Variants in CEBPZ observed in about 807,000 individuals in gnomAD.
The protein encoded by CEBPZ is CCAAT/enhancer-binding protein zeta.
In CEBPZ, 78 loss-of-function variants were observed where a neutral mutation model predicts 104.5. That is an observed-to-expected ratio of 0.75 (90% CI 0.62 to 0.90). The LOEUF (loss-of-function observed/expected upper bound fraction) is 0.90, where lower values mean the gene tolerates loss of function less well. CEBPZ is among the 40% of genes least tolerant of loss of function. CEBPZ has a pLI of 0.00. For synonymous variants in CEBPZ, 470 were observed against 427.0 expected (o/e 1.10, Z -1.24); for missense variants, 1,439 against 1,233.5 (o/e 1.17, Z -2.50).
intron 1 of CEBPZ, 98 bp downstream of exon 1, chr2:37,231,314 C>T (rs938665818): frequency 6.4e-6 from 10 of 1,563,770 alleles, no homozygotes; most frequent in Non-Finnish European, 8.8e-6. Context: ...TCCTGGACGC[C>T]CGCGCTCTAC....
intron 3 of CEBPZ, among the ~76,000 whole-genome samples, chr2:37,222,778 A>G (rs1664802456): frequency 6.6e-6 from 1 of 152,232 alleles, no homozygotes; most frequent in Non-Finnish European, 1.5e-5. Flanking sequence ...TTGAGCTAAG[A>G]ACCCCTGAGC....
At chr2:37,217,901 C>CA (rs58344885) in intron 5 of CEBPZ, among the ~76,000 whole-genome samples, 84,342 of 138,936 alleles carry the variant, frequency 0.61, 25,430 homozygotes, top group East Asian at 0.97. Context: ...GACTCTGTCT[C>CA]AAAAAAAAAA....
At position 37,231,550 on chromosome 2, in the gene CEBPZ, C is replaced by G. The variant is rs994316893; in HGVS notation, c.18G>C (p.Glu6Asp). The change falls in exon 1 of 16, where the codon GAG becomes GAC. Residue 6 changes from glutamate to aspartate, a missense_variant. Transcript: ENST00000234170. ...GCCGCTTGGCATGGAACTCCAAAGG[C>G]TCCTTGACTGCGGCCATGGCGGGCA... MAAVKEPLEFHAKRPW... is the reference protein window; with the variant it reads MAAVKDPLEFHAKRPW... 6 of 1,614,148 alleles carry G rather than the reference C, an allele frequency of 3.7e-6. No individual in the cohort carries two copies. Among genetic ancestry groups the G allele is most frequent in the Middle Eastern group, 1.6e-4 (1 of 6,084 alleles).
intron 2 of CEBPZ, among the ~76,000 whole-genome samples, chr2:37,226,966 C>T (rs138647509): frequency 6.6e-6 from 1 of 152,212 alleles, no homozygotes; most frequent in African/African-American, 2.4e-5. Context: ...ACTTAACATA[C>T]TTTGTTTACC....
At chr2:37,215,970 G>T in intron 8 of CEBPZ, 170 bp downstream of exon 8, 2 of 422,944 alleles carry the variant, frequency 4.7e-6, no homozygotes, top group South Asian at 6.6e-5. Flanking sequence ...AAAAAAAAAG[G>T]CCCAGTCAGA....
In CEBPZ at chr2:37,216,205, T is replaced by A. The variant is rs1481989660; in HGVS notation, c.2315A>T (p.Asn772Ile). 18 of 1,612,366 alleles carry A rather than the reference T, an allele frequency of 1.1e-5. No homozygotes were observed. The highest frequency in any genetic ancestry group is 1.4e-5 in the Non-Finnish European group (17 of 1,179,170). Residue 772 changes from asparagine (N) to isoleucine (I), a missense_variant, in exon 8 of 16, where the codon AAC becomes ATC. Transcript: ENST00000234170. Reference protein sequence around the residue: ...RNPKPHKGKENTDSVVMQPKR... With the variant: ...RNPKPHKGKEITDSVVMQPKR... ...CGGCTGCATCACAACACTATCTGTG[T>A]TTTCTGAAATGTAAAATTATGACAG... is the stretch of plus-strand genomic sequence containing the variant.
intron 4 of CEBPZ, among the ~76,000 whole-genome samples, chr2:37,221,429 A>C (rs1472198798): frequency 1.3e-5 from 2 of 152,234 alleles, no homozygotes; most frequent in Non-Finnish European, 2.9e-5. Flanking sequence ...GATGGAAATA[A>C]TCTGAAGATG....
At position 37,202,605 on chromosome 2, in the gene CEBPZ, A is replaced by G. The variant is rs1023027630; in HGVS notation, c.3025+179T>C. The G allele has an allele frequency of 1.1e-5, 5 of 438,442 alleles. No individual in the cohort carries two copies. The African/African-American group carries it at 1.2e-4, about 10-fold the overall frequency. 27.2% of individuals were successfully genotyped at this position (438,442 alleles called of 1,614,324 possible). On this transcript the variant is annotated intron_variant, in intron 15 of 15. Coordinates refer to ENST00000234170, the MANE Select transcript of CEBPZ (RefSeq NM_005760.3). ...GGTTGCAGTGAGCCAAGATCATGCC[A>G]CTGCATTCCAACCTGGGCAAGGGAG...
intron 2 of CEBPZ, 98 bp from the exon 3 acceptor site, chr2:37,223,499 G>A: frequency 3.0e-6 from 3 of 1,002,224 alleles, no homozygotes; most frequent in Non-Finnish European, 1.5e-6. Flanking sequence ...TCTTAGTTAG[G>A]GATAACTTTG....
chr2:37,211,625 T>A (rs1259844379), intron 12 of CEBPZ: 1 of 471,800 alleles, frequency 2.1e-6, no homozygotes, highest in Non-Finnish European at 3.7e-6. Flanking sequence ...AAAGTAAAAG[T>A]CCAAAGCTCA....
At chr2:37,222,175 T>G (rs900522245) in intron 4 of CEBPZ, among the ~76,000 whole-genome samples, 2 of 152,094 alleles carry the variant, frequency 1.3e-5, no homozygotes, top group African/African-American at 2.4e-5. Flanking sequence ...TCCCAGCTAC[T>G]TGGGAGGTTG....
chr2:37,214,553 G>C (rs138469360), intron 9 of CEBPZ, among the ~76,000 whole-genome samples: 3 of 152,112 alleles, frequency 2.0e-5, no homozygotes, highest in African/African-American at 7.2e-5. Context: ...ATTCCAAAAA[G>C]AAGCATAAAA....
intron 8 of CEBPZ, chr2:37,215,336 G>A (rs1473686575): frequency 6.4e-6 from 1 of 156,136 alleles, no homozygotes; most frequent in Non-Finnish European, 1.4e-5. Flanking sequence ...AAAATGACAA[G>A]CTTGCCATTA....
intron 8 of CEBPZ, 115 bp from the exon 9 acceptor site, chr2:37,215,067 G>A: frequency 5.5e-6 from 4 of 720,984 alleles, no homozygotes; most frequent in Non-Finnish European, 4.8e-6. Context: ...AGAATTGTGT[G>A]GGAAGGTAGA....
In CEBPZ at chr2:37,228,097, G is replaced by A; in HGVS notation, c.1096C>T (p.Leu366Phe). Residue 366 changes from leucine (L) to phenylalanine (F), a missense_variant, in exon 2 of 16, where the codon CTT (leucine) becomes TTT (phenylalanine). Transcript: ENST00000234170. The part of the protein sequence containing the change: ...DTLVTTKTRA[L>F]TVAHELLCNK... Reference sequence around the variant, plus strand: ...CAAAGCAGCTCATGAGCCACGGTAAGGGCTCGAGTTTTAGTGGTTACTAAT... The same window carrying A: ...CAAAGCAGCTCATGAGCCACGGTAAAGGCTCGAGTTTTAGTGGTTACTAAT... 2 of 1,614,204 alleles carry A rather than the reference G, an allele frequency of 1.2e-6. No homozygotes were observed. The highest frequency in any genetic ancestry group is 4.5e-5 in the East Asian group (2 of 44,890).
chr2:37,208,202 G>T (rs1677603245), intron 13 of CEBPZ, among the ~76,000 whole-genome samples: 1 of 152,188 alleles, frequency 6.6e-6, no homozygotes, highest in Non-Finnish European at 1.5e-5. Context: ...TGGATTCACA[G>T]CTGAATTCTA....
At chr2:37,225,375 C>G (rs1664860927) in intron 2 of CEBPZ, among the ~76,000 whole-genome samples, 1 of 151,862 alleles carries the variant, frequency 6.6e-6, no homozygotes, top group Non-Finnish European at 1.5e-5. Context: ...AAGAAGTAGA[C>G]ATAGGAGACT....
intron 12 of CEBPZ, chr2:37,211,452 A>G (rs1446318866): frequency 1.3e-5 from 3 of 235,726 alleles, no homozygotes; most frequent in Middle Eastern, 1.3e-3. Flanking sequence ...CAGTCTAGAG[A>G]CAATTCTGGG....
chr2:37,212,754 C>T (rs1297018680), intron 10 of CEBPZ: 1 of 177,778 alleles, frequency 5.6e-6, no homozygotes, highest in Non-Finnish European at 1.2e-5. Flanking sequence ...TGTAACATCT[C>T]ATGCTTGTAA....
Sources: allele counts gnomAD v4.1 joint callset (sites outside exome capture counted in the v4.1 genomes callset), GRCh38; gene constraint gnomAD v4.1.1; transcripts MANE v1.5; gene names NCBI Gene and HGNC (gene_info 2026-07-23, HGNC 2026-07-21).